RAB38: variants seen among roughly 807,000 people sequenced by gnomAD.
RAB38 encodes ras-related protein Rab-38.
RAB38 carries 15 observed loss-of-function variants against 18.4 expected under a neutral mutation model. That is an observed-to-expected ratio of 0.82 (90% CI 0.55 to 1.26). RAB38 has a LOEUF of 1.26. Ranked by LOEUF, RAB38 falls within the 50% of genes most tolerant of loss-of-function variation. The pLI is 0.00. For missense variants in RAB38, 294 were observed against 267.4 expected (o/e 1.10, Z -0.69); for synonymous variants, 101 against 104.4 (o/e 0.97, Z 0.20).
At chr11:88,006,746 G>A in the RAB38 span, among the ~76,000 whole-genome samples, 1 of 151,118 alleles carries the variant, frequency 6.6e-6, no homozygotes, top group Non-Finnish European at 1.5e-5. Flanking sequence ...AAACAACCCA[G>A]TCACAGAAAG....
chr11:87,895,022 A>T, the RAB38 span, among the ~76,000 whole-genome samples: 1 of 151,652 alleles, frequency 6.6e-6, no homozygotes, highest in Non-Finnish European at 1.5e-5. Context: ...CTGTTGTTCC[A>T]GTACCCTCTG....
At chr11:87,976,647 TATATAA>T in the RAB38 span, among the ~76,000 whole-genome samples, 1 of 107,554 alleles carries the variant, frequency 9.3e-6, no homozygotes, top group Non-Finnish European at 1.7e-5. Flanking sequence ...TTTTATATGA[TATATAA>T]ATATATATAA....
the RAB38 span, among the ~76,000 whole-genome samples, chr11:87,938,672 G>GAA: frequency 3.8e-3 from 452 of 118,242 alleles, 1 homozygote; most frequent in African/African-American, 0.012. Context: ...TTGTTTGCCA[G>GAA]AAAAAAAAAA....
the RAB38 span, among the ~76,000 whole-genome samples, chr11:87,862,165 G>A: frequency 6.6e-6 from 1 of 151,974 alleles, no homozygotes; most frequent in East Asian, 1.9e-4. Context: ...TACTGGGTAT[G>A]TTCAGAAAGG....
chr11:88,100,319 T>C, the RAB38 span, among the ~76,000 whole-genome samples: 9 of 151,896 alleles, frequency 5.9e-5, no homozygotes, highest in Admixed American at 2.0e-4. Flanking sequence ...TCGAAAACAT[T>C]TGTGGAATGG....
rs185704761 is a variant in RAB38 at position 88,139,770 on chromosome 11, C to T, written c.483+9905G>A. 6.2e-4 allele frequency among the ~76,000 whole-genome samples: 94 copies of T among 152,300 alleles called. 1 individual carries two copies. The highest frequency in any genetic ancestry group is 1.8e-4 in the Non-Finnish European group (12 of 68,030). ...ATCTGCAATCTTACCAAGCTCTTTA[C>T]ATGTCCCTGATGCACAACTTTTACA... On this transcript the variant is annotated intron_variant, in intron 2 of 2. Coordinates refer to ENST00000243662, the MANE Select transcript of RAB38 (RefSeq NM_022337.3).
the RAB38 span, among the ~76,000 whole-genome samples, chr11:88,030,907 G>T: frequency 0.071 from 10,718 of 150,974 alleles, 599 homozygotes; most frequent in African/African-American, 0.14. Flanking sequence ...ATACCAAAGC[G>T]GGGCAGAGAC....
chr11:88,124,231 A>C (rs1245331388), intron 2 of RAB38, among the ~76,000 whole-genome samples: 1 of 152,238 alleles, frequency 6.6e-6, no homozygotes, highest in Non-Finnish European at 1.5e-5. Flanking sequence ...CTTCATGTCC[A>C]AAACACCAAA....
the RAB38 span, among the ~76,000 whole-genome samples, chr11:87,976,807 A>G: frequency 2.5e-5 from 2 of 79,954 alleles, no homozygotes; most frequent in Admixed American, 1.4e-4. Context: ...CTTATAATAT[A>G]TTATATATTA....
intron 2 of RAB38, chr11:88,115,604 A>G (rs548917210): frequency 2.8e-4 from 43 of 152,318 alleles, no homozygotes; most frequent in African/African-American, 1.0e-3. Flanking sequence ...AATGTTTCCC[A>G]GGCTTTCTAA....
At chr11:87,820,624 T>A in the RAB38 span, among the ~76,000 whole-genome samples, 1 of 152,100 alleles carries the variant, frequency 6.6e-6, no homozygotes, top group South Asian at 2.1e-4. Flanking sequence ...TGCATGAAAC[T>A]CTAAGGAAAA....
chr11:88,141,836 G>A (rs1012018167), intron 2 of RAB38, among the ~76,000 whole-genome samples: 1 of 152,074 alleles, frequency 6.6e-6, no homozygotes, highest in South Asian at 2.1e-4. Context: ...TCTGCCTTTG[G>A]AAATTCTACA....
the RAB38 span, among the ~76,000 whole-genome samples, chr11:88,063,984 C>A: frequency 6.6e-6 from 1 of 152,270 alleles, no homozygotes. Context: ...AACAGTGTCC[C>A]GTTTGAAATG....
At chr11:87,832,792 G>GGATAC in the RAB38 span, among the ~76,000 whole-genome samples, 95 of 88,564 alleles carry the variant, frequency 1.1e-3, no homozygotes, top group Non-Finnish European at 8.7e-4. Context: ...GGATCACTCA[G>GGATAC]GCTTTGTATT....
chr11:87,881,123 C>T, the RAB38 span, among the ~76,000 whole-genome samples: 1 of 151,798 alleles, frequency 6.6e-6, no homozygotes, highest in Admixed American at 6.6e-5. Context: ...GGGATTAAGT[C>T]ATGAGACATC....
the RAB38 span, among the ~76,000 whole-genome samples, chr11:88,071,913 G>T: frequency 6.6e-6 from 1 of 152,174 alleles, no homozygotes; most frequent in Non-Finnish European, 1.5e-5. Context: ...CTCAATTCCT[G>T]GCTAGAATCA....
At chr11:88,095,501 A>G in the RAB38 span, among the ~76,000 whole-genome samples, 1 of 151,626 alleles carries the variant, frequency 6.6e-6, no homozygotes, top group Non-Finnish European at 1.5e-5. Context: ...CTGACTGGCT[A>G]CTCCTTTCAT....
At chr11:88,020,501 C>T in the RAB38 span, among the ~76,000 whole-genome samples, 21 of 152,176 alleles carry the variant, frequency 1.4e-4, no homozygotes, top group East Asian at 4.1e-3. Flanking sequence ...TACAATAATA[C>T]CTGAAGACTT....
chr11:87,947,238 G>T, the RAB38 span, among the ~76,000 whole-genome samples: 1 of 150,848 alleles, frequency 6.6e-6, no homozygotes, highest in Non-Finnish European at 1.5e-5. Context: ...TGATGGGGTT[G>T]TTTTTTTTCT....
Sources: gnomAD v4.1 joint callset for allele counts (sites outside exome capture counted in the v4.1 genomes callset) on GRCh38, gnomAD v4.1.1 for gene constraint, MANE v1.5 for transcripts, NCBI Gene and HGNC (gene_info 2026-07-23, HGNC 2026-07-21) for gene names.